The following ARHGEF33 variants were observed in gnomAD, a reference collection of about 807,000 sequenced individuals.
ARHGEF33 encodes the protein Rho guanine nucleotide exchange factor 33, also known as DH and coiled-coil domain-containing protein ENSP00000381780.
A neutral mutation model predicts 101.9 loss-of-function variants in ARHGEF33; 72 were observed. The ratio of observed to expected loss-of-function variants is 0.71; its 90% CI spans 0.58 to 0.86. The LOEUF is 0.86. ARHGEF33 is among the 40% of genes least tolerant of loss of function. The probability of loss-of-function intolerance (pLI) is 0.00; values close to 1 mark genes in which losing one functional copy is unlikely to be tolerated. For missense variants in ARHGEF33, 1,169 were observed against 1,111.3 expected (o/e 1.05, Z -0.74); for synonymous variants, 499 against 442.5 (o/e 1.13, Z -1.60).
chr2:38,944,875 G>GC (rs1667401649), intron 10 of ARHGEF33, among the ~76,000 whole-genome samples: 1 of 70,694 alleles, frequency 1.4e-5, no homozygotes, highest in Non-Finnish European at 2.9e-5. Flanking sequence ...AGTAATGCAT[G>GC]GGTGTGTGTG....
In ARHGEF33 at chr2:38,973,799, C is replaced by T; in HGVS notation, c.2569C>T (p.Arg857Ter). 4 of 1,548,990 alleles carry T rather than the reference C, an allele frequency of 2.6e-6. No homozygotes were observed. Among genetic ancestry groups the T allele is most frequent in the Non-Finnish European group, 3.5e-6 (4 of 1,146,122 alleles). ...CACCAAACAAGATTTCTTCAGAAAC[C>T]GACTTGCTCTTGCAAATGACCTTGA... Reference protein sequence around the residue: ...SPTKQDFFRNRLALANDLDQG... With the variant: ...SPTKQDFFRN Residue 857 changes from arginine to a stop codon, truncating the protein, a stop_gained, in exon 18 of 18, where the codon CGA becomes TGA. Coordinates refer to ENST00000409978, the MANE Select transcript of ARHGEF33 (RefSeq NM_001145451.5). LOFTEE classifies it high-confidence loss of function.
chr2:38,961,060 G>T (rs949996210), intron 16 of ARHGEF33, among the ~76,000 whole-genome samples: 1 of 152,214 alleles, frequency 6.6e-6, no homozygotes. Flanking sequence ...CCGGGCCAGT[G>T]TGTTTCTTCT....
At chr2:38,899,657 A>C (rs1378504911) in intron 2 of ARHGEF33, among the ~76,000 whole-genome samples, 1 of 152,148 alleles carries the variant, frequency 6.6e-6, no homozygotes. Context: ...GGCTGACTTT[A>C]GTTAATATAT....
rs1668237553 is a variant in ARHGEF33, at chr2:38,974,650, ACACT to A, written c.*811_*814del. ...CCACTCGTGATCTTGAGTGTCACAC[ACACT>A]CACAACCAGATGGACTAGGAAAAAA... On this transcript the variant is annotated 3_prime_UTR_variant, in exon 18 of 18. Transcript: ENST00000409978. 2 of 152,318 alleles carry A rather than the reference ACACT, an allele frequency of 1.3e-5. No individual in the cohort carries two copies. Among genetic ancestry groups the A allele is most frequent in the African/African-American group, 2.4e-5 (1 of 41,562 alleles). 9.4% of individuals were successfully genotyped at this position (152,318 alleles called of 1,614,324 possible). A position where few individuals can be genotyped will look rare whatever the true frequency, so the allele number is the denominator to read the frequency against.
intron 6 of ARHGEF33, 101 bp downstream of exon 6, chr2:38,929,931 GC>G: frequency 9.7e-7 from 1 of 1,035,658 alleles, no homozygotes; most frequent in Non-Finnish European, 1.4e-6. Flanking sequence ...TAGCTAGCTG[GC>G]CACTGTGCTC....
At chr2:38,957,786 T>C (rs947566522) in intron 14 of ARHGEF33, 14 of 443,422 alleles carry the variant, frequency 3.2e-5, no homozygotes, top group Middle Eastern at 6.2e-4. Context: ...GTTCCTGTTA[T>C]GGAAGCTGTC....
At chr2:38,968,356 G>A (rs1668096443) in intron 17 of ARHGEF33, among the ~76,000 whole-genome samples, 1 of 152,144 alleles carries the variant, frequency 6.6e-6, no homozygotes, top group Non-Finnish European at 1.5e-5. Flanking sequence ...GTGGAGATTT[G>A]CTTTATCTGT....
At chr2:38,899,483 T>C (rs1398598437) in intron 2 of ARHGEF33, among the ~76,000 whole-genome samples, 1 of 152,018 alleles carries the variant, frequency 6.6e-6, no homozygotes, top group East Asian at 1.9e-4. Flanking sequence ...AGCTCACTTA[T>C]ATGTGGAATC....
chr2:38,959,300 G>A (rs1214318166), intron 15 of ARHGEF33: 1 of 152,132 alleles, frequency 6.6e-6, no homozygotes, highest in Non-Finnish European at 1.5e-5. Context: ...ACAGTGACAA[G>A]GAATATTTTA....
chr2:38,961,435 G>C (rs1667937262), intron 16 of ARHGEF33, among the ~76,000 whole-genome samples: 1 of 152,152 alleles, frequency 6.6e-6, no homozygotes, highest in South Asian at 2.1e-4. Context: ...GGCATTTAAA[G>C]AGGTCTTTAA....
intron 2 of ARHGEF33, among the ~76,000 whole-genome samples, chr2:38,900,689 T>C (rs1558422586): frequency 2.6e-5 from 4 of 151,998 alleles, no homozygotes; most frequent in Admixed American, 2.0e-4. Flanking sequence ...CCATAGGATA[T>C]GGGGAGGTGT....
intron 9 of ARHGEF33, among the ~76,000 whole-genome samples, chr2:38,940,757 G>A (rs1380248803): frequency 3.3e-5 from 5 of 152,146 alleles, no homozygotes; most frequent in Admixed American, 6.5e-5. Context: ...TTGAATAAAC[G>A]TACAGCAAGC....
intron 16 of ARHGEF33, among the ~76,000 whole-genome samples, chr2:38,963,209 T>G (rs1667985006): frequency 6.6e-6 from 1 of 152,142 alleles, no homozygotes; most frequent in Admixed American, 6.5e-5. Context: ...GTGTTTTAGT[T>G]GCAAAAGATA....
chr2:38,921,374 G>T lies in ARHGEF33; in HGVS notation c.26G>T (p.Gly9Val), dbSNP rs1247026999. MEKTKTKQ[G>V]ENEHMPVNNP... ...TAAACAAAGCTCTTTCTCCCTGCAG[G>T]AGAGAATGAACATATGCCGGTGAAT... The change falls in exon 4 of 18, where the codon GGA becomes GTA. Residue 9 changes from glycine (G) to valine (V), a missense_variant and splice_region_variant. Gly to Val is a moderately radical substitution (Grantham distance 109). Coordinates refer to ENST00000409978, the MANE Select transcript of ARHGEF33 (RefSeq NM_001145451.5). The T allele has an allele frequency of 1.3e-6, 2 of 1,537,660 alleles. No individual in the cohort carries two copies. Among genetic ancestry groups the T allele is most frequent in the Non-Finnish European group, 1.8e-6 (2 of 1,134,244 alleles).
chr2:38,972,002 A>G, intron 17 of ARHGEF33: 1 of 717,234 alleles, frequency 1.4e-6, no homozygotes, highest in Non-Finnish European at 2.6e-6. Context: ...TGGGTTTTGG[A>G]TAGACCAGAT....
At position 38,960,279 on chromosome 2, in the gene ARHGEF33, G is replaced by A. The variant is rs925572444; in HGVS notation, c.1974G>A (p.Arg658=). Residue 658 remains arginine, a synonymous_variant, in exon 16 of 18, where the codon CGG becomes CGA. Coordinates refer to ENST00000409978, the MANE Select transcript of ARHGEF33 (RefSeq NM_001145451.5). ...SESSLDICFL[R]PVSFAMEAER... ...CCAGCCTGGACATCTGCTTCCTGCG[G>A]CCCGTCAGCTTCGCCATGGAGGCCG... The A allele has an allele frequency of 1.3e-6, 2 of 1,547,298 alleles. No individual in the cohort carries two copies. The highest frequency in any genetic ancestry group is 2.7e-5 in the African/African-American group (2 of 72,846).
Position 38,937,402 on chromosome 2 carries a change from C to G in ARHGEF33, c.633C>G (p.Ser211=), listed in dbSNP as rs1667172312. 5 of 1,541,728 alleles carry G rather than the reference C, an allele frequency of 3.2e-6. No homozygotes were observed. Among genetic ancestry groups the G allele is most frequent in the Non-Finnish European group, 4.4e-6 (5 of 1,142,932 alleles). Residue 211 remains serine (S), a synonymous_variant, in exon 9 of 18, where the codon TCC becomes TCG. Transcript: ENST00000409978. ...CTTGCCTCTCGGCTGATATCCAGTCCAAGGGCCATCTCCCATCTGGCATGT... is the reference window on the plus strand; with the variant it reads ...CTTGCCTCTCGGCTGATATCCAGTCGAAGGGCCATCTCCCATCTGGCATGT... ...LKSCLSADIQ[S]KGHLPSGMWR... is the part of the protein sequence containing the mutation.
chr2:38,956,197 AAC>A (rs983137403), intron 13 of ARHGEF33, among the ~76,000 whole-genome samples: 1 of 152,226 alleles, frequency 6.6e-6, no homozygotes, highest in African/African-American at 2.4e-5. Flanking sequence ...GAATATGGCA[AAC>A]AAGCCCTGGT....
chr2:38,956,473 A>T (rs912569599), intron 13 of ARHGEF33, among the ~76,000 whole-genome samples: 1 of 152,190 alleles, frequency 6.6e-6, no homozygotes, highest in African/African-American at 2.4e-5. Flanking sequence ...ACAGCGGGGA[A>T]TGTAACAGAA....
Sources: gnomAD v4.1 joint callset for allele counts (sites outside exome capture counted in the v4.1 genomes callset) on GRCh38, gnomAD v4.1.1 for gene constraint, MANE v1.5 for transcripts, NCBI Gene and HGNC (gene_info 2026-07-23, HGNC 2026-07-21) for gene names.